CLIC4: variants seen among roughly 807,000 people sequenced by gnomAD.
The protein encoded by CLIC4 is CLIC family member 4, also known as chloride intracellular channel protein 4.
Under a neutral mutation model 24.6 loss-of-function variants are expected in CLIC4, and 13 were observed. The ratio of observed to expected loss-of-function variants is 0.53; its 90% CI spans 0.34 to 0.84. The LOEUF (loss-of-function observed/expected upper bound fraction) is 0.84, where lower values mean the gene tolerates loss of function less well. Among genes scored for constraint, CLIC4 ranks in the 40% least tolerant of loss-of-function variants. The probability of loss-of-function intolerance (pLI) is 0.01; values close to 1 mark genes in which losing one functional copy is unlikely to be tolerated. For missense variants in CLIC4, 227 were observed against 301.7 expected (o/e 0.75, Z 1.83); for synonymous variants, 104 against 111.3 (o/e 0.93, Z 0.41).
At chr1:24,763,914 A>T (rs1308183127) in intron 1 of CLIC4, among the ~76,000 whole-genome samples, 1 of 152,140 alleles carries the variant, frequency 6.6e-6, no homozygotes, top group Non-Finnish European at 1.5e-5. Context: ...AGGAGAGTAG[A>T]TTCCTTGTCT....
intron 1 of CLIC4, among the ~76,000 whole-genome samples, chr1:24,781,912 A>G (rs1260329362): frequency 6.6e-6 from 1 of 152,158 alleles, no homozygotes; most frequent in African/African-American, 2.4e-5. Context: ...GGCCTCCCAA[A>G]GTGCTGGGAT....
chr1:24,748,347 G>A (rs1638731022), intron 1 of CLIC4, among the ~76,000 whole-genome samples: 1 of 151,978 alleles, frequency 6.6e-6, no homozygotes, highest in South Asian at 2.1e-4. Context: ...CAGGGTTCAA[G>A]TCACAGTTCT....
chr1:24,787,946 C>G (rs1323562355), intron 1 of CLIC4, among the ~76,000 whole-genome samples: 1 of 151,484 alleles, frequency 6.6e-6, no homozygotes, highest in Non-Finnish European at 1.5e-5. Context: ...ACCTCCGCCT[C>G]CCAAGTTCAA....
chr1:24,800,309 T>C (rs1639469952), intron 2 of CLIC4, among the ~76,000 whole-genome samples: 1 of 71,292 alleles, frequency 1.4e-5, no homozygotes, highest in African/African-American at 6.4e-5. Flanking sequence ...GAGGAGCCCC[T>C]CTGCCCGGCC....
At chr1:24,822,097 A>G (rs1639740216) in intron 3 of CLIC4, among the ~76,000 whole-genome samples, 1 of 152,230 alleles carries the variant, frequency 6.6e-6, no homozygotes, top group South Asian at 2.1e-4. Context: ...TTTTGAAGCC[A>G]CATCAATATG....
rs930686678 is a variant in CLIC4 at position 24,841,304 on chromosome 1, A to C, written c.*367A>C. 3.7e-5 allele frequency: 6 copies of C among 161,862 alleles called. No homozygotes were observed. The highest frequency in any genetic ancestry group is 1.4e-4 in the African/African-American group (6 of 41,894). The allele number at this position is 161,862 out of a possible 1,614,324, so 10.0% of individuals were successfully genotyped here. ...GAGGTGCAATGTTTAATTGTTAAAA[A>C]TAGTAGCCACGACTTTATCAGGCAG... On this transcript the variant is annotated 3_prime_UTR_variant, in exon 6 of 6. Transcript: ENST00000374379.
At chr1:24,802,705 CTTTT>C (rs1250439152) in intron 2 of CLIC4, among the ~76,000 whole-genome samples, 1 of 147,890 alleles carries the variant, frequency 6.8e-6, no homozygotes, top group Non-Finnish European at 1.5e-5. Context: ...TTCCTTTTTT[CTTTT>C]TCTTTTTTTT....
At chr1:24,765,808 TTTCTTTC>T (rs1037352202) in intron 1 of CLIC4, among the ~76,000 whole-genome samples, 1 of 95,782 alleles carries the variant, frequency 1.0e-5, no homozygotes, top group Non-Finnish European at 2.6e-5. Flanking sequence ...TTCTTCTTTC[TTTCTTTC>T]TTTTTTTTTT....
chr1:24,797,724 T>G lies in CLIC4; in HGVS notation c.73-18T>G. ...CATCACTTTGACCTTGTTTTTAATG[T>G]TTAATTCTGTTTTCCAGGCTGGCAG... is the stretch of plus-strand genomic sequence containing the variant. On this transcript the variant is annotated intron_variant, in intron 1 of 5. Transcript: ENST00000374379. 1 of 1,569,758 alleles carries G rather than the reference T, an allele frequency of 6.4e-7. No homozygotes were observed. The highest frequency in any genetic ancestry group is 8.7e-7 in the Non-Finnish European group (1 of 1,151,462).
chr1:24,785,912 T>C (rs1029858612), intron 1 of CLIC4, among the ~76,000 whole-genome samples: 1 of 134,118 alleles, frequency 7.5e-6, no homozygotes, highest in Non-Finnish European at 1.6e-5. Flanking sequence ...AAATAGGTAA[T>C]AGAAGCCAGA....
intron 1 of CLIC4, among the ~76,000 whole-genome samples, chr1:24,791,967 T>C (rs1334309549): frequency 6.6e-6 from 1 of 150,522 alleles, no homozygotes; most frequent in African/African-American, 2.4e-5. Context: ...GAGAATGGCC[T>C]GAACCTGGGA....
At chr1:24,758,010 C>T (rs531586121) in intron 1 of CLIC4, among the ~76,000 whole-genome samples, 4 of 152,250 alleles carry the variant, frequency 2.6e-5, no homozygotes, top group Admixed American at 6.5e-5. Context: ...TCTCCCACCT[C>T]AGCCTCTCAA....
intron 1 of CLIC4, chr1:24,777,768 A>G (rs1037490727): frequency 2.6e-5 from 4 of 152,224 alleles, no homozygotes; most frequent in Non-Finnish European, 5.9e-5. Flanking sequence ...ATGTAGTACA[A>G]AGAAAAGAAT....
intron 1 of CLIC4, among the ~76,000 whole-genome samples, chr1:24,756,227 C>T (rs996955905): frequency 2.6e-5 from 4 of 152,102 alleles, no homozygotes; most frequent in African/African-American, 7.2e-5. Flanking sequence ...TCTTGATCTC[C>T]TGACCTCGTG....
Position 24,819,906 on chromosome 1 carries a change from AT to A in CLIC4, c.308+5695del, listed in dbSNP as rs374540673. 9.1e-3 allele frequency among the ~76,000 whole-genome samples: 1,341 copies of A among 147,040 alleles called. 12 individuals carry two copies. The highest frequency in any genetic ancestry group is 0.013 in the Non-Finnish European group (883 of 66,776). On this transcript the variant is annotated intron_variant, in intron 3 of 5. Coordinates refer to ENST00000374379, the MANE Select transcript of CLIC4 (RefSeq NM_013943.3). ...AGGTGCCCGCCACCATGCCCTGCTA[AT>A]TTTTTTTGTATTTTTAGTAGAGACA...
rs758975350 is a variant in CLIC4, at chr1:24,745,548, C to T, written c.-6C>T. ...TCGCCGTTCGCGGAGCGCAGCCGAG[C>T]CGGCCATGGCGTTGTCGATGCCGCT... On this transcript the variant is annotated 5_prime_UTR_variant, in exon 1 of 6. Coordinates refer to ENST00000374379, the MANE Select transcript of CLIC4 (RefSeq NM_013943.3). The T allele has an allele frequency of 1.7e-5, 27 of 1,583,382 alleles. No homozygotes were observed. Among genetic ancestry groups the T allele is most frequent in the East Asian group, 2.4e-5 (1 of 42,416 alleles).
intron 2 of CLIC4, 126 bp downstream of exon 2, chr1:24,797,977 G>T (rs1639423508): frequency 2.9e-6 from 2 of 684,204 alleles, no homozygotes; most frequent in Non-Finnish European, 5.0e-6. Context: ...GCTGGTTTAT[G>T]GACAAACAAC....
intron 1 of CLIC4, among the ~76,000 whole-genome samples, chr1:24,757,341 T>C (rs544979311): frequency 1.2e-3 from 182 of 152,312 alleles, no homozygotes; most frequent in Admixed American, 2.2e-3. Context: ...TTAAGAACTT[T>C]TAAGGATTTG....
At chr1:24,751,112 T>C (rs1638768753) in intron 1 of CLIC4, among the ~76,000 whole-genome samples, 1 of 152,132 alleles carries the variant, frequency 6.6e-6, no homozygotes, top group Non-Finnish European at 1.5e-5. Flanking sequence ...CATCAAAGCA[T>C]GGTTCTTCAT....
Sources: allele counts gnomAD v4.1 joint callset (sites outside exome capture counted in the v4.1 genomes callset), GRCh38; gene constraint gnomAD v4.1.1; transcripts MANE v1.5; gene names NCBI Gene and HGNC (gene_info 2026-07-23, HGNC 2026-07-21).